Variants in KLHL14 observed in about 807,000 individuals in gnomAD.
KLHL14 encodes kelch like family member 14, also known as kelch-like protein 14.
In KLHL14, 22 loss-of-function variants were observed where a neutral mutation model predicts 64.3. That is an observed-to-expected ratio of 0.34 (90% CI 0.24 to 0.49). The LOEUF (loss-of-function observed/expected upper bound fraction) is 0.49, where lower values mean the gene tolerates loss of function less well. Ranked by LOEUF, KLHL14 falls within the 20% of genes least tolerant of loss-of-function variation. KLHL14 has a pLI of 0.99. For synonymous variants in KLHL14, 322 were observed against 333.4 expected (o/e 0.97, Z 0.37); for missense variants, 661 against 789.0 (o/e 0.84, Z 1.94).
At chr18:32,679,880 C>T (rs8092564) in intron 7 of KLHL14, among the ~76,000 whole-genome samples, 101,821 of 151,942 alleles carry the variant, frequency 0.67, 34,779 homozygotes, top group East Asian at 0.75. Flanking sequence ...TTCATTGTTA[C>T]GACAAATTGT....
At chr18:32,715,782 A>G (rs535654137) in intron 3 of KLHL14, among the ~76,000 whole-genome samples, 1 of 152,310 alleles carries the variant, frequency 6.6e-6, no homozygotes, top group East Asian at 1.9e-4. Flanking sequence ...CCTCACCTCA[A>G]GTAGCAGTTG....
intron 3 of KLHL14, among the ~76,000 whole-genome samples, chr18:32,707,790 C>T (rs182724244): frequency 2.0e-5 from 3 of 152,330 alleles, no homozygotes; most frequent in Admixed American, 2.0e-4. Context: ...GGACTTTGCC[C>T]TGTGTGCCTT....
intron 3 of KLHL14, among the ~76,000 whole-genome samples, chr18:32,702,880 T>C (rs2049973331): frequency 6.6e-6 from 1 of 152,140 alleles, no homozygotes; most frequent in African/African-American, 2.4e-5. Context: ...ATGAAGTTAT[T>C]TAAGTGAGTT....
At chr18:32,705,430 G>C in intron 3 of KLHL14, among the ~76,000 whole-genome samples, 1 of 152,272 alleles carries the variant, frequency 6.6e-6, no homozygotes, top group Non-Finnish European at 1.5e-5. Flanking sequence ...TTTTTTAAAA[G>C]ATTGTATTAT....
intron 2 of KLHL14, among the ~76,000 whole-genome samples, chr18:32,759,697 TTCTCTC>T (rs140880053): frequency 1.5e-4 from 22 of 148,474 alleles, no homozygotes; most frequent in African/African-American, 2.2e-4. Context: ...CATTATAACC[TTCTCTC>T]TCTCTCTCTC....
chr18:32,764,059 A>G (rs2050328142), intron 2 of KLHL14, among the ~76,000 whole-genome samples: 1 of 152,222 alleles, frequency 6.6e-6, no homozygotes, highest in Non-Finnish European at 1.5e-5. Context: ...ATACAGATTG[A>G]CACTTAGAAA....
intron 4 of KLHL14, among the ~76,000 whole-genome samples, chr18:32,691,078 A>G (rs2049905312): frequency 1.3e-5 from 2 of 152,204 alleles, no homozygotes; most frequent in African/African-American, 2.4e-5. Context: ...TTCTTACGTC[A>G]AGTTCCAAGG....
Position 32,773,014 on chromosome 18 carries a change from T to C in KLHL14, c.-391A>G. ...CTTGGGCCTGGGGCTCAGTGAGTCG[T>C]AACGAGAGTAATAGGAAATCCACGG... On this transcript the variant is annotated 5_prime_UTR_variant, in exon 1 of 9. Coordinates refer to ENST00000359358, the MANE Select transcript of KLHL14 (RefSeq NM_020805.3). 4.0e-6 allele frequency: 1 copy of C among 249,354 alleles called. No individual in the cohort carries two copies. The allele number at this position is 249,354 out of a possible 1,614,324, so 15.4% of individuals were successfully genotyped here.
intron 5 of KLHL14, among the ~76,000 whole-genome samples, chr18:32,684,876 A>G (rs1327015675): frequency 1.3e-5 from 2 of 152,126 alleles, no homozygotes; most frequent in Non-Finnish European, 2.9e-5. Context: ...GAAACTGGGC[A>G]ATGACAGAAA....
rs143105484 is a variant in KLHL14, at chr18:32,681,744, A to C, written c.1239-1145T>G. ...GTTCAATGTCGATTGCAAGACAAGG[A>C]GTGCTACAGGTTTTTATCAAGTAAA... is the stretch of plus-strand genomic sequence containing the variant. On this transcript the variant is annotated intron_variant, in intron 5 of 8. Transcript: ENST00000359358. 2.2e-3 allele frequency among the ~76,000 whole-genome samples: 329 copies of C among 152,344 alleles called. 2 individuals carry two copies. The highest frequency in any genetic ancestry group is 7.6e-3 in the African/African-American group (316 of 41,588).
chr18:32,714,218 T>C (rs2050033908), intron 3 of KLHL14, among the ~76,000 whole-genome samples: 1 of 152,170 alleles, frequency 6.6e-6, no homozygotes, highest in Non-Finnish European at 1.5e-5. Flanking sequence ...TATTATGCAT[T>C]CAATTTATAG....
chr18:32,679,106 G>T (rs1305595653), intron 7 of KLHL14, among the ~76,000 whole-genome samples: 2 of 152,086 alleles, frequency 1.3e-5, no homozygotes, highest in Non-Finnish European at 2.9e-5. Flanking sequence ...TTCTCATTGG[G>T]GAGAGCACTT....
chr18:32,708,360 A>G (rs2050001288), intron 3 of KLHL14, among the ~76,000 whole-genome samples: 1 of 152,140 alleles, frequency 6.6e-6, no homozygotes, highest in African/African-American at 2.4e-5. Flanking sequence ...TATTTGAAAC[A>G]CTGATACAGA....
chr18:32,771,179 C>G (rs1041683400), intron 1 of KLHL14: 5 of 179,086 alleles, frequency 2.8e-5, no homozygotes, highest in Non-Finnish European at 1.2e-5. Context: ...AACAGGGGCC[C>G]GACCAGCGTG....
At chr18:32,771,098 G>C (rs982002761) in intron 1 of KLHL14, 2 of 219,148 alleles carry the variant, frequency 9.1e-6, no homozygotes, top group African/African-American at 4.8e-5. Context: ...GACCGACGGC[G>C]AAGGTTCCAG....
intron 7 of KLHL14, among the ~76,000 whole-genome samples, chr18:32,678,872 G>A (rs577254698): frequency 6.6e-6 from 1 of 152,098 alleles, no homozygotes; most frequent in South Asian, 2.1e-4. Flanking sequence ...CATTACCTGA[G>A]TCTTTCTGTC....
chr18:32,752,886 C>A (rs1232835589), intron 2 of KLHL14, among the ~76,000 whole-genome samples: 1 of 142,588 alleles, frequency 7.0e-6, no homozygotes, highest in East Asian at 2.1e-4. Context: ...AATGTGGGAA[C>A]TTTTATAAGC....
intron 2 of KLHL14, among the ~76,000 whole-genome samples, chr18:32,760,989 T>C (rs1457801483): frequency 1.3e-5 from 2 of 152,232 alleles, no homozygotes; most frequent in Non-Finnish European, 2.9e-5. Flanking sequence ...CATGAATATG[T>C]CCTAGTGATT....
At position 32,769,655 on chromosome 18, in the gene KLHL14, G is replaced by T. The variant is rs1455062003; in HGVS notation, c.937C>A (p.Leu313Met). 2.4e-6 allele frequency: 3 copies of T among 1,239,562 alleles called. No individual in the cohort carries two copies. The highest frequency in any genetic ancestry group is 3.2e-6 in the Non-Finnish European group (3 of 951,464). 76.8% of individuals were successfully genotyped at this position (1,239,562 alleles called of 1,614,324 possible). Residue 313 changes from leucine (L) to methionine (M), a missense_variant, in exon 2 of 9, where the codon CTG becomes ATG. Transcript: ENST00000359358. ...TTTGTTGTCTCCTACCTGCTGGCCA[G>T]GCTCTGCCTGCAGTGCTGCCTGAAG... ...MPFRQHCRQS[L>M]ASRIRSNKKM...
Sources: gnomAD v4.1 joint callset for allele counts (sites outside exome capture counted in the v4.1 genomes callset) on GRCh38, gnomAD v4.1.1 for gene constraint, MANE v1.5 for transcripts, NCBI Gene and HGNC (gene_info 2026-07-23, HGNC 2026-07-21) for gene names.